DLC1: variants seen among roughly 807,000 people sequenced by gnomAD.
DLC1 encodes rho GTPase-activating protein 7.
Under a neutral mutation model 140.3 loss-of-function variants are expected in DLC1, and 54 were observed. The ratio of observed to expected loss-of-function variants is 0.38; its 90% CI spans 0.31 to 0.48. The LOEUF is 0.48. DLC1 is among the 20% of genes least tolerant of loss of function. DLC1 has a pLI of 0.96. For synonymous variants in DLC1, 986 were observed against 728.1 expected (o/e 1.35, Z -5.70); for missense variants, 2,536 against 1,907.0 (o/e 1.33, Z -6.14).
intron 4 of DLC1, among the ~76,000 whole-genome samples, chr8:13,359,987 C>T (rs1009258674): frequency 3.3e-5 from 5 of 152,128 alleles, no homozygotes; most frequent in Admixed American, 6.5e-5. Flanking sequence ...GCTACTCCAT[C>T]GACATTTTAA....
chr8:13,118,626 G>A (rs1481555954), intron 5 of DLC1, among the ~76,000 whole-genome samples: 8 of 152,094 alleles, frequency 5.3e-5, no homozygotes, highest in Non-Finnish European at 1.0e-4. Context: ...TTGACCTCAC[G>A]CCTACACTTT....
intron 5 of DLC1, among the ~76,000 whole-genome samples, chr8:13,278,866 A>G (rs78385898): frequency 0.064 from 9,734 of 152,286 alleles, 428 homozygotes; most frequent in South Asian, 0.096. Context: ...ATCAGAGATC[A>G]TGTATAGGTA....
chr8:13,563,470 G>A (rs1804314871), intron 1 of DLC1, among the ~76,000 whole-genome samples: 2 of 152,168 alleles, frequency 1.3e-5, no homozygotes, highest in African/African-American at 4.8e-5. Flanking sequence ...CATGAGTGAT[G>A]TAAGATTCTT....
chr8:13,449,529 G>T (rs977802277), intron 2 of DLC1, among the ~76,000 whole-genome samples: 1 of 152,120 alleles, frequency 6.6e-6, no homozygotes, highest in Non-Finnish European at 1.5e-5. Context: ...CAGGTGGAAA[G>T]AATCCTATTT....
At chr8:13,414,244 G>A (rs112968666) in intron 2 of DLC1, among the ~76,000 whole-genome samples, 2 of 152,098 alleles carry the variant, frequency 1.3e-5, no homozygotes. Context: ...CATAATGACT[G>A]AGTATCCTTA....
chr8:13,360,643 C>G (rs953921746), intron 4 of DLC1, among the ~76,000 whole-genome samples: 5 of 151,948 alleles, frequency 3.3e-5, no homozygotes, highest in Admixed American at 1.3e-4. Flanking sequence ...GAAAGACTTA[C>G]TCTGTGTTTT....
Position 13,099,920 on chromosome 8 carries a change from A to G in DLC1, c.2417T>C (p.Val806Ala). 1 of 1,614,060 alleles carries G rather than the reference A, an allele frequency of 6.2e-7. No individual in the cohort carries two copies. The highest frequency in any genetic ancestry group is 8.5e-7 in the Non-Finnish European group (1 of 1,180,052). ...KNRESYPEDT[V>A]FYIPEDHKPG... is the part of the protein sequence containing the mutation. ...CTTGTGATCTTCAGGGATGTAGAAC[A>G]CCGTGTCCTCTGGGTAGCTCTCGCG... The change falls in exon 9 of 18, where the codon GTG becomes GCG. Residue 806 changes from valine (V) to alanine (A), a missense_variant. Physicochemically the swap from Val to Ala is moderately conservative, Grantham distance 64. Transcript: ENST00000276297.
intron 5 of DLC1, among the ~76,000 whole-genome samples, chr8:13,268,692 G>C (rs1385359489): frequency 6.6e-6 from 1 of 151,918 alleles, no homozygotes; most frequent in Non-Finnish European, 1.5e-5. Context: ...CTTGTTTGCA[G>C]AGAGAATTTC....
At position 13,249,705 on chromosome 8, in the gene DLC1, C is replaced by G. The variant is rs140220418; in HGVS notation, c.1348+55564G>C. On this transcript the variant is annotated intron_variant, in intron 5 of 17. Transcript: ENST00000276297. ...TCTGCTTAAATACATGCTAAAGTCT[C>G]TTCCATCCTGATTAAGAAACAACCC... Among the ~76,000 whole-genome samples, 20 of 152,324 alleles carry G rather than the reference C, an allele frequency of 1.3e-4. No homozygotes were observed. The East Asian group carries it at 3.9e-3, about 29-fold the overall frequency.
At chr8:13,320,694 T>C (rs1586132587) in intron 4 of DLC1, among the ~76,000 whole-genome samples, 1 of 152,068 alleles carries the variant, frequency 6.6e-6, no homozygotes, top group East Asian at 1.9e-4. Context: ...GGTCTGGTTC[T>C]ATTAGTTCCT....
intron 5 of DLC1, among the ~76,000 whole-genome samples, chr8:13,122,331 C>A (rs1821160424): frequency 6.6e-6 from 1 of 152,178 alleles, no homozygotes; most frequent in African/African-American, 2.4e-5. Flanking sequence ...CCTTGGAGTT[C>A]TGAGGACGTA....
chr8:13,564,620 GT>G (rs1264170192), intron 1 of DLC1, among the ~76,000 whole-genome samples: 3 of 152,204 alleles, frequency 2.0e-5, no homozygotes, highest in Non-Finnish European at 2.9e-5. Flanking sequence ...GCTTGCCAGA[GT>G]GACAGATGCT....
chr8:13,422,537 C>T (rs1395125937), intron 2 of DLC1, among the ~76,000 whole-genome samples: 11 of 151,884 alleles, frequency 7.2e-5, no homozygotes, highest in Admixed American at 6.6e-4. Flanking sequence ...AAACTCTGCA[C>T]GTTTACTGCA....
intron 10 of DLC1, chr8:13,096,079 T>G (rs1014923303): frequency 3.9e-5 from 6 of 152,222 alleles, no homozygotes; most frequent in African/African-American, 1.4e-4. Context: ...AAGCAGAAAT[T>G]CCAGCTCTCC....
intron 5 of DLC1, among the ~76,000 whole-genome samples, chr8:13,138,550 A>T (rs924714628): frequency 6.6e-6 from 1 of 152,260 alleles, no homozygotes; most frequent in African/African-American, 2.4e-5. Context: ...TTTGTGTTCA[A>T]TGCAGCATTG....
chr8:13,249,676 T>C (rs1280015223), intron 5 of DLC1, among the ~76,000 whole-genome samples: 2 of 152,136 alleles, frequency 1.3e-5, no homozygotes, highest in Non-Finnish European at 2.9e-5. Context: ...ACAGCAACGT[T>C]CCCTCTGCTT....
intron 1 of DLC1, among the ~76,000 whole-genome samples, chr8:13,536,685 T>G (rs1194081944): frequency 6.6e-6 from 1 of 152,190 alleles, no homozygotes; most frequent in African/African-American, 2.4e-5. Flanking sequence ...CCAAGCAGTC[T>G]CCTGATTTCA....
intron 2 of DLC1, among the ~76,000 whole-genome samples, chr8:13,436,327 A>G (rs55796458): frequency 0.013 from 2,026 of 152,304 alleles, 22 homozygotes; most frequent in African/African-American, 0.027. Flanking sequence ...TTCCTTTATT[A>G]TTAGTCCAGC....
intron 2 of DLC1, among the ~76,000 whole-genome samples, chr8:13,453,338 A>T (rs1330757270): frequency 2.1e-5 from 3 of 139,958 alleles, no homozygotes; most frequent in African/African-American, 8.0e-5. Flanking sequence ...AATAATTATT[A>T]AAATAGAGAA....
Sources: allele counts gnomAD v4.1 joint callset (sites outside exome capture counted in the v4.1 genomes callset), GRCh38; gene constraint gnomAD v4.1.1; transcripts MANE v1.5; gene names NCBI Gene and HGNC (gene_info 2026-07-23, HGNC 2026-07-21).